Variants in MAN1A2 observed in about 807,000 individuals in gnomAD.
MAN1A2 encodes mannosyl-oligosaccharide 1,2-alpha-mannosidase IB.
In MAN1A2, 26 loss-of-function variants were observed where a neutral mutation model predicts 75.7. That is an observed-to-expected ratio of 0.34 (90% CI 0.25 to 0.48). The LOEUF is 0.48. Ranked by LOEUF, MAN1A2 falls within the 20% of genes least tolerant of loss-of-function variation. MAN1A2 has a pLI of 0.99. For synonymous variants in MAN1A2, 247 were observed against 264.6 expected (o/e 0.93, Z 0.65); for missense variants, 562 against 775.5 (o/e 0.72, Z 3.27).
At chr1:117,485,908 T>C (rs1650683875) in intron 8 of MAN1A2, among the ~76,000 whole-genome samples, 1 of 151,972 alleles carries the variant, frequency 6.6e-6, no homozygotes, top group East Asian at 1.9e-4. Flanking sequence ...CAAAGTATTC[T>C]ACATAGAAAG....
chr1:117,476,154 A>G (rs1289116777), intron 8 of MAN1A2, among the ~76,000 whole-genome samples: 1 of 152,088 alleles, frequency 6.6e-6, no homozygotes, highest in Non-Finnish European at 1.5e-5. Flanking sequence ...TTGGCTGCAT[A>G]AATGTCTTCT....
In MAN1A2 at chr1:117,499,373, A is replaced by C; in HGVS notation, c.1505-9A>C. 6.5e-7 allele frequency: 1 copy of C among 1,536,854 alleles called. No homozygotes were observed. The highest frequency in any genetic ancestry group is 2.5e-5 in the East Asian group (1 of 40,664). ...ATTTTGCTCAGTTATTTCTTTTGTCATGTTACAGCATTAAAGCTAGGTCCT... is the reference window on the plus strand; with the variant it reads ...ATTTTGCTCAGTTATTTCTTTTGTCCTGTTACAGCATTAAAGCTAGGTCCT... On this transcript the variant is annotated splice_polypyrimidine_tract_variant and intron_variant, in intron 10 of 12. Transcript: ENST00000356554.
At chr1:117,469,589 A>G (rs1464057215) in intron 8 of MAN1A2, among the ~76,000 whole-genome samples, 3 of 152,154 alleles carry the variant, frequency 2.0e-5, no homozygotes, top group Non-Finnish European at 4.4e-5. Flanking sequence ...CACAGAATAT[A>G]TAAAGAACTC....
chr1:117,474,898 C>T (rs1650269262), intron 8 of MAN1A2, among the ~76,000 whole-genome samples: 1 of 151,932 alleles, frequency 6.6e-6, no homozygotes, highest in African/African-American at 2.4e-5. Flanking sequence ...TGCTTTCTGT[C>T]ATTAAAGCTT....
At chr1:117,469,101 A>G (rs1650061937) in intron 8 of MAN1A2, among the ~76,000 whole-genome samples, 1 of 152,122 alleles carries the variant, frequency 6.6e-6, no homozygotes, top group African/African-American at 2.4e-5. Flanking sequence ...TGAACCCAGG[A>G]GGTGGAGGTT....
chr1:117,499,394 G>T lies in MAN1A2; in HGVS notation c.1517G>T (p.Gly506Val). The change falls in exon 11 of 13, where the codon GGT (glycine) becomes GTT (valine). Residue 506 changes from glycine (G) to valine (V), a missense_variant. Around this residue, in one of 2 missense-constraint regions of MAN1A2, gnomAD observed 434 missense variants for 645.7 expected, o/e 0.67. Transcript: ENST00000356554. The stretch of plus-strand genomic sequence containing the variant: ...TGTCATGTTACAGCATTAAAGCTAG[G>T]TCCTGAATCATTCAAGTTTGATGGT... Reference protein sequence around the residue: ...ESYDRTALKLGPESFKFDGAV... With the variant: ...ESYDRTALKLVPESFKFDGAV... 6.3e-7 allele frequency: 1 copy of T among 1,590,268 alleles called. No homozygotes were observed. Among genetic ancestry groups the T allele is most frequent in the Non-Finnish European group, 8.6e-7 (1 of 1,169,212 alleles).
chr1:117,494,056 A>G (rs2101874470), intron 9 of MAN1A2: 1 of 152,124 alleles, frequency 6.6e-6, no homozygotes, highest in Middle Eastern at 3.4e-3. Context: ...CATTATCACC[A>G]TTTTACACAT....
At chr1:117,461,601 T>C (rs768557767) in intron 7 of MAN1A2, among the ~76,000 whole-genome samples, 21 of 152,254 alleles carry the variant, frequency 1.4e-4, no homozygotes, top group Admixed American at 2.6e-4. Flanking sequence ...TGATGGATGT[T>C]TCAGTTACTC....
intron 1 of MAN1A2, among the ~76,000 whole-genome samples, chr1:117,384,520 G>T (rs1653455594): frequency 6.6e-6 from 1 of 152,064 alleles, no homozygotes; most frequent in African/African-American, 2.4e-5. Context: ...GGCTCAAAAT[G>T]TGGTCTGTCC....
chr1:117,526,003 C>T lies in MAN1A2; in HGVS notation c.*3046C>T, dbSNP rs1170589832. ...TGATCCTCTATGATGTCATATAGAGCAACTCAGGGCTATACTTGCTAGATT... is the reference window on the plus strand; with the variant it reads ...TGATCCTCTATGATGTCATATAGAGTAACTCAGGGCTATACTTGCTAGATT... On this transcript the variant is annotated 3_prime_UTR_variant, in exon 13 of 13. Coordinates refer to ENST00000356554, the MANE Select transcript of MAN1A2 (RefSeq NM_006699.5). The T allele has an allele frequency of 6.6e-6, 1 of 151,662 alleles. No homozygotes were observed. Among genetic ancestry groups the T allele is most frequent in the Non-Finnish European group, 1.5e-5 (1 of 67,780 alleles). 9.4% of individuals were successfully genotyped at this position (151,662 alleles called of 1,614,324 possible). A position where few individuals can be genotyped will look rare whatever the true frequency, so the allele number is the denominator to read the frequency against.
chr1:117,400,566 T>C (rs1251195041), intron 1 of MAN1A2, among the ~76,000 whole-genome samples: 1 of 152,036 alleles, frequency 6.6e-6, no homozygotes, highest in Non-Finnish European at 1.5e-5. Flanking sequence ...ATCCCTCTTT[T>C]TTGTCTTTTT....
intron 5 of MAN1A2, among the ~76,000 whole-genome samples, chr1:117,429,436 AC>A (rs1224217592): frequency 9.2e-4 from 70 of 76,168 alleles, no homozygotes; most frequent in Non-Finnish European, 1.1e-3. Context: ...AGGGGGGCTG[AC>A]CCCCCCCACC....
chr1:117,523,020 G>A lies in MAN1A2; in HGVS notation c.*63G>A, dbSNP rs1651910647. 1 of 1,588,422 alleles carries A rather than the reference G, an allele frequency of 6.3e-7. No individual in the cohort carries two copies. Among genetic ancestry groups the A allele is most frequent in the East Asian group, 2.2e-5 (1 of 44,660 alleles). ...TTTACATGGACCACTACAGAAATTAGTTTGAAGGGGCGGCTTTTGAAAACC... is the reference window on the plus strand; with the variant it reads ...TTTACATGGACCACTACAGAAATTAATTTGAAGGGGCGGCTTTTGAAAACC... On this transcript the variant is annotated 3_prime_UTR_variant, in exon 13 of 13. Coordinates refer to ENST00000356554, the MANE Select transcript of MAN1A2 (RefSeq NM_006699.5).
chr1:117,444,142 C>A (rs1330198345), intron 6 of MAN1A2, among the ~76,000 whole-genome samples: 1 of 152,040 alleles, frequency 6.6e-6, no homozygotes, highest in Non-Finnish European at 1.5e-5. Flanking sequence ...CAATAATACT[C>A]CATGGAAATA....
Position 117,522,847 on chromosome 1 carries a change from G to A in MAN1A2, c.1816G>A (p.Gly606Ser), listed in dbSNP as rs759917745. ...CAGATATTTGTATCTGCTGTTCTCCGGTGATGACCTTTTACCTTTAGACCA... is the reference window on the plus strand; with the variant it reads ...CAGATATTTGTATCTGCTGTTCTCCAGTGATGACCTTTTACCTTTAGACCA... The part of the protein sequence containing the change: ...TLKYLYLLFS[G>S]DDLLPLDHWV... Residue 606 changes from glycine to serine, a missense_variant, in exon 13 of 13, where the codon GGT (glycine) becomes AGT (serine). By Grantham distance (56) the Gly-to-Ser change is moderately conservative. This residue lies in a region of MAN1A2 where 434 missense variants were observed against 645.7 expected (regional missense o/e 0.67). Coordinates refer to ENST00000356554, the MANE Select transcript of MAN1A2 (RefSeq NM_006699.5). The A allele has an allele frequency of 1.6e-5, 25 of 1,610,600 alleles. No individual in the cohort carries two copies. The highest frequency in any genetic ancestry group is 1.7e-4 in the Middle Eastern group (1 of 6,060).
At chr1:117,442,347 T>C in intron 6 of MAN1A2, 22 bp downstream of exon 6, 2 of 1,469,544 alleles carry the variant, frequency 1.4e-6, no homozygotes, top group Non-Finnish European at 1.9e-6. Flanking sequence ...TGGGTATTCT[T>C]ATTCTGGAAG....
chr1:117,401,497 GAACTC>G, intron 1 of MAN1A2, among the ~76,000 whole-genome samples: 1 of 152,096 alleles, frequency 6.6e-6, no homozygotes, highest in East Asian at 1.9e-4. Context: ...AGGGAATATT[GAACTC>G]TCTTTCACAA....
At chr1:117,512,750 T>TACAC (rs3050979) in intron 12 of MAN1A2, among the ~76,000 whole-genome samples, 20,195 of 143,662 alleles carry the variant, frequency 0.14, 2,023 homozygotes, top group African/African-American at 0.29. Context: ...GGCACTGGGA[T>TACAC]ACACACACAC....
chr1:117,449,695 A>C (rs1006482799), intron 6 of MAN1A2, among the ~76,000 whole-genome samples: 4 of 152,232 alleles, frequency 2.6e-5, no homozygotes, highest in Non-Finnish European at 5.9e-5. Context: ...TCTTGAAGGA[A>C]ATTAACAATG....
Sources: allele counts gnomAD v4.1 joint callset (sites outside exome capture counted in the v4.1 genomes callset), GRCh38; gene constraint gnomAD v4.1.1; regional missense constraint gnomAD v4.1.1; transcripts MANE v1.5; gene names NCBI Gene and HGNC (gene_info 2026-07-23, HGNC 2026-07-21).